Variants in RBFOX1 observed in about 807,000 individuals in gnomAD.
RBFOX1 encodes the protein RNA binding protein fox-1 homolog 1.
A neutral mutation model predicts 57.7 loss-of-function variants in RBFOX1; 8 were observed. The observed-to-expected ratio is 0.14, with a 90% CI of 0.08 to 0.25. The LOEUF (loss-of-function observed/expected upper bound fraction) is 0.25, where lower values mean the gene tolerates loss of function less well. RBFOX1 is among the 10% of genes least tolerant of loss of function. The probability of loss-of-function intolerance (pLI) is 1.00; values close to 1 mark genes in which losing one functional copy is unlikely to be tolerated. For synonymous variants in RBFOX1, 326 were observed against 222.4 expected, an observed-to-expected ratio of 1.47 and a Z score of -4.15; for missense variants, 611 against 548.5, an observed-to-expected ratio of 1.11 and a Z score of -1.14.
chr16:7,431,975 T>C (rs1030526574), intron 4 of RBFOX1, among the ~76,000 whole-genome samples: 4 of 152,228 alleles, frequency 2.6e-5, no homozygotes, highest in African/African-American at 9.6e-5. Context: ...ATGCCAAGCA[T>C]TCCCACCAGT....
intron 2 of RBFOX1, among the ~76,000 whole-genome samples, chr16:6,395,124 G>T (rs1457842007): frequency 6.6e-6 from 1 of 152,206 alleles, no homozygotes; most frequent in Non-Finnish European, 1.5e-5. Context: ...CGAAGGGTTT[G>T]CTAAAGATAT....
At chr16:7,642,166 A>G (rs1167193315) in intron 11 of RBFOX1, among the ~76,000 whole-genome samples, 1 of 152,090 alleles carries the variant, frequency 6.6e-6, no homozygotes, top group Non-Finnish European at 1.5e-5. Context: ...CAGTGACTGG[A>G]CTGGTGGACC....
intron 3 of RBFOX1, among the ~76,000 whole-genome samples, chr16:6,658,647 A>G (rs375654076): frequency 1.3e-5 from 2 of 152,092 alleles, no homozygotes; most frequent in East Asian, 1.9e-4. Flanking sequence ...CCAGAAGCCT[A>G]TTTTCTCTCA....
chr16:5,524,614 C>CA (rs1319447307), intron 2 of RBFOX1, among the ~76,000 whole-genome samples: 1 of 151,000 alleles, frequency 6.6e-6, no homozygotes, highest in African/African-American at 2.4e-5. Context: ...GATCTTGGCT[C>CA]ACTGCAACCT....
intron 1 of RBFOX1, among the ~76,000 whole-genome samples, chr16:6,058,829 TATTTATCCATCCATCCATCC>T (rs754231651): frequency 1.0e-4 from 13 of 125,588 alleles, no homozygotes; most frequent in East Asian, 2.6e-4. Flanking sequence ...CCCACTCATT[TATTTATCCATCCATCCATCC>T]ATCCATCCAT....
At chr16:6,108,572 A>G (rs1325477343) in intron 1 of RBFOX1, among the ~76,000 whole-genome samples, 2 of 152,162 alleles carry the variant, frequency 1.3e-5, no homozygotes, top group Non-Finnish European at 2.9e-5. Context: ...AAATATGGTG[A>G]GCTTATAAAT....
chr16:7,512,991 C>T (rs974802247), intron 4 of RBFOX1, among the ~76,000 whole-genome samples: 8 of 152,242 alleles, frequency 5.3e-5, no homozygotes, highest in East Asian at 1.9e-4. Flanking sequence ...TGGACAGGCG[C>T]GGTGGCTCAT....
At chr16:7,368,082 C>G (rs989667037) in intron 4 of RBFOX1, among the ~76,000 whole-genome samples, 1 of 151,924 alleles carries the variant, frequency 6.6e-6, no homozygotes, top group Non-Finnish European at 1.5e-5. Context: ...GCCTGGCCAA[C>G]GTAATGAAAC....
intron 1 of RBFOX1, among the ~76,000 whole-genome samples, chr16:6,234,879 T>G (rs541849652): frequency 2.0e-4 from 31 of 152,264 alleles, no homozygotes; most frequent in African/African-American, 7.5e-4. Context: ...TAGATTGCAC[T>G]AGTATCGGTT....
intron 2 of RBFOX1, among the ~76,000 whole-genome samples, chr16:5,535,855 A>G (rs1023603693): frequency 2.0e-5 from 3 of 152,148 alleles, no homozygotes; most frequent in Admixed American, 6.5e-5. Context: ...GATACTATCT[A>G]ATTTGGGCTA....
intron 4 of RBFOX1, among the ~76,000 whole-genome samples, chr16:7,306,275 A>C (rs1461203549): frequency 1.3e-5 from 2 of 152,164 alleles, no homozygotes; most frequent in African/African-American, 4.8e-5. Context: ...GTGAGAGGTT[A>C]TTCTTGCCAT....
At chr16:7,292,985 A>T (rs2095822818) in intron 4 of RBFOX1, among the ~76,000 whole-genome samples, 1 of 152,056 alleles carries the variant, frequency 6.6e-6, no homozygotes, top group South Asian at 2.1e-4. Flanking sequence ...GCTCTCAAAA[A>T]GAAAAGAGGG....
chr16:6,844,956 A>G (rs568080871), intron 3 of RBFOX1, among the ~76,000 whole-genome samples: 2 of 151,892 alleles, frequency 1.3e-5, no homozygotes, highest in South Asian at 4.2e-4. Flanking sequence ...CTTTTTTCCT[A>G]TGTTTGTTGG....
chr16:7,263,727 C>G (rs1255875483), intron 4 of RBFOX1, among the ~76,000 whole-genome samples: 1 of 151,900 alleles, frequency 6.6e-6, no homozygotes, highest in Non-Finnish European at 1.5e-5. Context: ...GAAACCCCAT[C>G]TCTACTAAAA....
intron 4 of RBFOX1, among the ~76,000 whole-genome samples, chr16:7,482,231 C>A (rs2064147399): frequency 6.6e-6 from 1 of 152,198 alleles, no homozygotes; most frequent in Admixed American, 6.5e-5. Flanking sequence ...TGGTGCATTG[C>A]ATTGTAAGAG....
chr16:5,349,010 A>G (rs2065203408), intron 1 of RBFOX1, among the ~76,000 whole-genome samples: 1 of 152,194 alleles, frequency 6.6e-6, no homozygotes. Flanking sequence ...TTCCAGAACA[A>G]CTGTGTCATT....
chr16:7,050,118 A>G (rs1348938098), intron 3 of RBFOX1, among the ~76,000 whole-genome samples: 4 of 151,106 alleles, frequency 2.6e-5, no homozygotes, highest in African/African-American at 9.7e-5. Flanking sequence ...TACATAATAT[A>G]AAGTCACCTA....
intron 4 of RBFOX1, among the ~76,000 whole-genome samples, chr16:7,056,050 T>C (rs974587999): frequency 6.6e-6 from 1 of 152,146 alleles, no homozygotes; most frequent in Non-Finnish European, 1.5e-5. Context: ...CTTGTGTAAT[T>C]TGGACTGCAC....
intron 3 of RBFOX1, among the ~76,000 whole-genome samples, chr16:6,929,024 G>T (rs1324885387): frequency 6.6e-6 from 1 of 152,180 alleles, no homozygotes; most frequent in East Asian, 1.9e-4. Context: ...TGAGTTCCAA[G>T]GGAGCAGATG....
Sources: gnomAD v4.1 joint callset for allele counts (sites outside exome capture counted in the v4.1 genomes callset) on GRCh38, gnomAD v4.1.1 for gene constraint, MANE v1.5 for transcripts, NCBI Gene and HGNC (gene_info 2026-07-23, HGNC 2026-07-21) for gene names.